CDKAL1: variants seen among roughly 807,000 people sequenced by gnomAD.
CDKAL1 encodes the protein threonylcarbamoyladenosine tRNA methylthiotransferase.
In CDKAL1, 32 loss-of-function variants were observed where a neutral mutation model predicts 68.2. The observed-to-expected ratio is 0.47, with a 90% CI of 0.35 to 0.63. The LOEUF (loss-of-function observed/expected upper bound fraction) is 0.63. Among genes scored for constraint, CDKAL1 ranks in the 30% least tolerant of loss-of-function variants. CDKAL1 has a pLI of 0.00. For missense variants in CDKAL1, 606 were observed against 696.7 expected (o/e 0.87, Z 1.47); for synonymous variants, 234 against 244.3 (o/e 0.96, Z 0.39).
chr6:21,056,922 G>A (rs1770868539), intron 11 of CDKAL1, among the ~76,000 whole-genome samples: 1 of 152,120 alleles, frequency 6.6e-6, no homozygotes, highest in African/African-American at 2.4e-5. Context: ...GATTTTGTTT[G>A]CCAGTATTTT....
chr6:21,013,237 A>G (rs1400222438), intron 11 of CDKAL1, among the ~76,000 whole-genome samples: 4 of 152,168 alleles, frequency 2.6e-5, no homozygotes, highest in Non-Finnish European at 5.9e-5. Flanking sequence ...CCTCAGTCAA[A>G]TTTAATTCTA....
Position 20,540,054 on chromosome 6 carries a change from G to C in CDKAL1, c.-6+4660G>C, listed in dbSNP as rs528997788. Among the ~76,000 whole-genome samples, 65 of 150,642 alleles carry C rather than the reference G, an allele frequency of 4.3e-4. 1 individual carries two copies. The highest frequency in any genetic ancestry group is 1.6e-3 in the African/African-American group (64 of 40,690). On this transcript the variant is annotated intron_variant, in intron 2 of 15. Coordinates refer to ENST00000274695, the MANE Select transcript of CDKAL1 (RefSeq NM_017774.3). The stretch of plus-strand genomic sequence containing the variant: ...GAGGGGAGTGCAGGATTTTTGGCCT[G>C]AGCAGTAGAAGATTGGGATTGTCTT...
At chr6:21,071,086 T>C (rs556388355) in intron 12 of CDKAL1, among the ~76,000 whole-genome samples, 27 of 152,386 alleles carry the variant, frequency 1.8e-4, no homozygotes, top group African/African-American at 6.3e-4. Context: ...AGAATTATAG[T>C]TTGAATTTTC....
intron 11 of CDKAL1, among the ~76,000 whole-genome samples, chr6:21,047,540 A>G (rs1582093176): frequency 6.6e-6 from 1 of 152,266 alleles, no homozygotes; most frequent in African/African-American, 2.4e-5. Flanking sequence ...TGTTTTTCCA[A>G]GTTCTCCCAA....
chr6:21,085,566 C>T (rs1465814540), intron 12 of CDKAL1, among the ~76,000 whole-genome samples: 2 of 152,120 alleles, frequency 1.3e-5, no homozygotes, highest in Admixed American at 1.3e-4. Context: ...TTAAGCTGAG[C>T]TTTTCACTAC....
Position 20,828,293 on chromosome 6 carries a change from A to G in CDKAL1, c.639-17782A>G, listed in dbSNP as rs191032784. Among the ~76,000 whole-genome samples, 75 of 152,196 alleles carry G rather than the reference A, an allele frequency of 4.9e-4. 1 individual carries two copies. The highest frequency in any genetic ancestry group is 2.3e-3 in the Admixed American group (35 of 15,280). On this transcript the variant is annotated intron_variant, in intron 8 of 15. Transcript: ENST00000274695. ...ACCCAGGCTGGTGTCCAGTGGCACA[A>G]TCTCGGCTCATTGCAACCTCCACCT...
intron 11 of CDKAL1, among the ~76,000 whole-genome samples, chr6:21,032,947 A>G (rs2150881248): frequency 6.6e-6 from 1 of 152,342 alleles, no homozygotes; most frequent in East Asian, 1.9e-4. Context: ...GTTGTTGAAG[A>G]GTATCACTTT....
chr6:20,551,104 A>G (rs139838519), intron 4 of CDKAL1, among the ~76,000 whole-genome samples: 1,741 of 151,962 alleles, frequency 0.011, 30 homozygotes, highest in African/African-American at 0.038. Context: ...TGACCTCGTG[A>G]TCCACTCGCC....
In CDKAL1 at chr6:21,224,443, G is replaced by A. The variant is rs1192939675; in HGVS notation, c.1549-6405G>A. ...ACAGGAGAATTGCCTGAACCCAGGA[G>A]GTGGAGGTTGGAGTAAGCCGAGATT... On this transcript the variant is annotated intron_variant, in intron 15 of 15. Coordinates refer to ENST00000274695, the MANE Select transcript of CDKAL1 (RefSeq NM_017774.3). Among the ~76,000 whole-genome samples, 3 of 152,188 alleles carry A rather than the reference G, an allele frequency of 2.0e-5. No individual in the cohort carries two copies. In the East Asian group the frequency reaches 5.8e-4, roughly 29 times the overall value.
chr6:20,637,654 A>G (rs1251072277), intron 4 of CDKAL1, among the ~76,000 whole-genome samples: 1 of 152,188 alleles, frequency 6.6e-6, no homozygotes, highest in Admixed American at 6.5e-5. Context: ...AAAAATATTT[A>G]ATTTTTAGAA....
chr6:21,185,876 G>A (rs979033848), intron 13 of CDKAL1, among the ~76,000 whole-genome samples: 8 of 152,094 alleles, frequency 5.3e-5, no homozygotes, highest in African/African-American at 1.7e-4. Flanking sequence ...CCTATAAACT[G>A]CATATCAGGA....
chr6:20,849,646 G>A (rs1210390434), intron 9 of CDKAL1, among the ~76,000 whole-genome samples: 1 of 151,394 alleles, frequency 6.6e-6, no homozygotes, highest in African/African-American at 2.4e-5. Context: ...CCGAAGCCAG[G>A]AAGAGAAGTC....
chr6:21,171,308 G>A (rs577610915), intron 13 of CDKAL1, among the ~76,000 whole-genome samples: 1 of 152,246 alleles, frequency 6.6e-6, no homozygotes, highest in South Asian at 2.1e-4. Flanking sequence ...TGCCTCCCAG[G>A]TTCAAAGGAT....
intron 9 of CDKAL1, among the ~76,000 whole-genome samples, chr6:20,897,420 C>T (rs1040606910): frequency 2.6e-5 from 4 of 151,860 alleles, no homozygotes; most frequent in African/African-American, 9.7e-5. Context: ...CAGAGGCCTC[C>T]CAATCCTGCC....
At chr6:20,705,822 A>G (rs895254675) in intron 5 of CDKAL1, among the ~76,000 whole-genome samples, 1 of 152,188 alleles carries the variant, frequency 6.6e-6, no homozygotes, top group Admixed American at 6.5e-5. Context: ...TATATATATC[A>G]GTAGCACAGC....
chr6:20,664,788 TCTTA>T (rs1339699149), intron 5 of CDKAL1, among the ~76,000 whole-genome samples: 1 of 152,192 alleles, frequency 6.6e-6, no homozygotes. Flanking sequence ...GCAAGCTTTT[TCTTA>T]CTTGTCATTT....
At chr6:20,580,487 T>C (rs1451924796) in intron 4 of CDKAL1, among the ~76,000 whole-genome samples, 2 of 152,118 alleles carry the variant, frequency 1.3e-5, no homozygotes, top group Non-Finnish European at 2.9e-5. Flanking sequence ...TGCACTATTA[T>C]GGCCACTTCT....
intron 13 of CDKAL1, among the ~76,000 whole-genome samples, chr6:21,195,813 C>T (rs1778449240): frequency 6.6e-6 from 1 of 152,048 alleles, no homozygotes. Context: ...CCCGGCCACT[C>T]TGGAGATTTT....
At chr6:20,830,167 T>G (rs1777656046) in intron 8 of CDKAL1, among the ~76,000 whole-genome samples, 1 of 152,166 alleles carries the variant, frequency 6.6e-6, no homozygotes, top group South Asian at 2.1e-4. Flanking sequence ...GTTATTTACT[T>G]TAACATGGGT....
Sources: gnomAD v4.1 joint callset for allele counts (sites outside exome capture counted in the v4.1 genomes callset) on GRCh38, gnomAD v4.1.1 for gene constraint, MANE v1.5 for transcripts, NCBI Gene and HGNC (gene_info 2026-07-23, HGNC 2026-07-21) for gene names.